Variants in POMP observed in about 807,000 individuals in gnomAD.
POMP encodes 2510048O06Rik.
A neutral mutation model predicts 20.6 loss-of-function variants in POMP; 12 were observed. That is an observed-to-expected ratio of 0.58 (90% CI 0.37 to 0.94). The LOEUF is 0.94. Ranked by LOEUF, POMP falls within the 40% of genes least tolerant of loss-of-function variation. The pLI is 0.01. For missense variants in POMP, 136 were observed against 161.1 expected (o/e 0.84, Z 0.84); for synonymous variants, 53 against 55.0 (o/e 0.96, Z 0.16).
intron 5 of POMP, among the ~76,000 whole-genome samples, chr13:28,677,188 CAAAAA>C (rs1470368228): frequency 6.7e-6 from 1 of 150,122 alleles, no homozygotes; most frequent in Non-Finnish European, 1.5e-5. Context: ...TCTATGTAGT[CAAAAA>C]TATTGCCTTT....
intron 3 of POMP, among the ~76,000 whole-genome samples, chr13:28,664,784 G>A (rs143347587): frequency 3.7e-4 from 57 of 152,020 alleles, no homozygotes; most frequent in African/African-American, 1.3e-3. Context: ...TTTAATGTAC[G>A]TCTCCAAAGG....
In POMP at chr13:28,678,048, C is replaced by T. The variant is rs368820757; in HGVS notation, c.372C>T (p.Ser124=). The change falls in exon 6 of 6, where the codon AGC becomes AGT. Residue 124 remains serine (S), a synonymous_variant. Transcript: ENST00000380842. The part of the protein sequence containing the change: ...FEDILNDPSQ[S]EVMGEPHLMV... The stretch of plus-strand genomic sequence containing the variant: ...GTTTGCTTTCAGATCCATCACAAAG[C>T]GAAGTCATGGGAGAGCCACACTTGA... The T allele has an allele frequency of 5.2e-5, 84 of 1,613,872 alleles. No homozygotes were observed. The highest frequency in any genetic ancestry group is 3.3e-4 in the East Asian group (15 of 44,864).
At chr13:28,667,461 C>T (rs1884469045) in intron 3 of POMP, among the ~76,000 whole-genome samples, 1 of 152,160 alleles carries the variant, frequency 6.6e-6, no homozygotes, top group Admixed American at 6.5e-5. Flanking sequence ...CTTAGAACTT[C>T]AGATCATATA....
intron 3 of POMP, among the ~76,000 whole-genome samples, chr13:28,667,379 T>G (rs1390849365): frequency 6.6e-6 from 1 of 152,158 alleles, no homozygotes; most frequent in South Asian, 2.1e-4. Flanking sequence ...TCCAGCCACA[T>G]AGCAAGACCC....
intron 2 of POMP, among the ~76,000 whole-genome samples, chr13:28,663,222 A>G (rs1165137684): frequency 6.6e-6 from 1 of 152,232 alleles, no homozygotes; most frequent in East Asian, 1.9e-4. Flanking sequence ...TAATAAAATA[A>G]GGATAACGAC....
At chr13:28,668,907 C>T (rs936954556) in intron 4 of POMP, among the ~76,000 whole-genome samples, 12 of 151,884 alleles carry the variant, frequency 7.9e-5, no homozygotes, top group African/African-American at 2.9e-4. Flanking sequence ...GTTGAATATA[C>T]CTGTTTCTAA....
At chr13:28,661,742 G>T (rs1023930438) in intron 1 of POMP, among the ~76,000 whole-genome samples, 1 of 152,038 alleles carries the variant, frequency 6.6e-6, no homozygotes, top group Admixed American at 6.6e-5. Context: ...GTTTTTATAG[G>T]TAGCGCTATC....
At chr13:28,666,171 G>A (rs956651012) in intron 3 of POMP, among the ~76,000 whole-genome samples, 4 of 152,264 alleles carry the variant, frequency 2.6e-5, no homozygotes, top group Middle Eastern at 6.8e-3. Context: ...GAAGTTCTGC[G>A]TTTGGATTCA....
At chr13:28,677,215 G>GT (rs1884644467) in intron 5 of POMP, among the ~76,000 whole-genome samples, 1 of 149,164 alleles carries the variant, frequency 6.7e-6, no homozygotes, top group Non-Finnish European at 1.5e-5. Flanking sequence ...TTTTTTTTAA[G>GT]TTGAGGTTTT....
At chr13:28,662,590 C>A in intron 2 of POMP, 83 bp downstream of exon 2, 1 of 1,172,928 alleles carries the variant, frequency 8.5e-7, no homozygotes, top group Non-Finnish European at 1.3e-6. Context: ...ATAGGCTATA[C>A]ATGTGTATTT....
intron 1 of POMP, among the ~76,000 whole-genome samples, chr13:28,661,221 G>C (rs112238321): frequency 1.3e-5 from 2 of 152,100 alleles, no homozygotes; most frequent in Admixed American, 6.5e-5. Context: ...CCAGCACTTT[G>C]GGGGGTGCTG....
At chr13:28,671,411 A>T (rs1884542649) in intron 4 of POMP, among the ~76,000 whole-genome samples, 1 of 150,370 alleles carries the variant, frequency 6.7e-6, no homozygotes, top group African/African-American at 2.4e-5. Flanking sequence ...AGTTTTTAAT[A>T]CTATTTGATC....
chr13:28,659,408 A>G (rs1884293845), intron 1 of POMP, among the ~76,000 whole-genome samples: 1 of 152,122 alleles, frequency 6.6e-6, no homozygotes, highest in Non-Finnish European at 1.5e-5. Context: ...CTTCGGCTTC[A>G]TCCTGCTCCT....
chr13:28,661,746 C>T (rs1754954), intron 1 of POMP, among the ~76,000 whole-genome samples: 6,782 of 152,202 alleles, frequency 0.045, 507 homozygotes, highest in African/African-American at 0.15. Context: ...TTATAGGTAG[C>T]GCTATCTTCA....
At chr13:28,662,368 A>C (rs1294576890) in intron 1 of POMP, 42 bp from the exon 2 acceptor site, 2 of 1,496,552 alleles carry the variant, frequency 1.3e-6, no homozygotes, top group South Asian at 2.3e-5. Context: ...TGTGTGTTTA[A>C]ATTTTTTTTC....
chr13:28,676,068 G>T (rs1437365755), intron 5 of POMP, among the ~76,000 whole-genome samples: 1 of 151,818 alleles, frequency 6.6e-6, no homozygotes, highest in Non-Finnish European at 1.5e-5. Context: ...GCAGTGGCGC[G>T]ATCTCTGCTC....
At position 28,678,694 on chromosome 13, in the gene POMP, G is replaced by A. The variant is rs149490104; in HGVS notation, c.*592G>A. On this transcript the variant is annotated 3_prime_UTR_variant, in exon 6 of 6. Transcript: ENST00000380842. ...AAGTGAAAAATTAAAGCAACCAGTA[G>A]ATGTAGGTTAAACTTTTACTTCATA... 600 of 152,954 alleles carry A rather than the reference G, an allele frequency of 3.9e-3. 3 individuals carry two copies. Among genetic ancestry groups the A allele is most frequent in the Non-Finnish European group, 6.8e-3 (465 of 68,510 alleles). The allele number at this position is 152,954 out of a possible 1,614,324, so 9.5% of individuals were successfully genotyped here.
chr13:28,666,623 A>G (rs1884452429), intron 3 of POMP, among the ~76,000 whole-genome samples: 1 of 152,228 alleles, frequency 6.6e-6, no homozygotes, highest in Admixed American at 6.5e-5. Context: ...TAGTTGAACT[A>G]TGTGGGCACC....
chr13:28,672,287 C>A, intron 4 of POMP, 52 bp from the exon 5 acceptor site: 1 of 1,342,622 alleles, frequency 7.4e-7, no homozygotes, highest in South Asian at 1.2e-5. Context: ...TATATTCTGT[C>A]ATTTTCCCCT....
Sources: allele counts gnomAD v4.1 joint callset (sites outside exome capture counted in the v4.1 genomes callset), GRCh38; gene constraint gnomAD v4.1.1; transcripts MANE v1.5; gene names NCBI Gene and HGNC (gene_info 2026-07-23, HGNC 2026-07-21).